Variants in FAM107A observed in about 807,000 individuals in gnomAD.
FAM107A encodes the protein family with sequence similarity 107 member A, also known as actin-associated protein FAM107A.
Under a neutral mutation model 13.7 loss-of-function variants are expected in FAM107A, and 19 were observed. That is an observed-to-expected ratio of 1.38 (90% CI 0.97 to 2.03). The LOEUF is 2.03. Ranked by LOEUF, FAM107A falls within the 30% of genes most tolerant of loss-of-function variation. The probability of loss-of-function intolerance (pLI) is 0.00; values close to 1 mark genes in which losing one functional copy is unlikely to be tolerated. For missense variants in FAM107A, 203 were observed against 184.4 expected, an observed-to-expected ratio of 1.10 and a Z score of -0.58; for synonymous variants, 82 against 74.5, an observed-to-expected ratio of 1.10 and a Z score of -0.52.
upstream of FAM107A, among the ~76,000 whole-genome samples, chr3:58,578,216 G>A (rs145686421): frequency 6.6e-6 from 1 of 152,332 alleles, no homozygotes; most frequent in Non-Finnish European, 1.5e-5. Context: ...GGTGCATTTT[G>A]CCTGGCAGAA....
intron 1 of FAM107A, among the ~76,000 whole-genome samples, chr3:58,611,497 T>C (rs4681697): frequency 0.93 from 141,477 of 152,324 alleles, 65,847 homozygotes; most frequent in Non-Finnish European, 0.96. Flanking sequence ...CCGCATCATC[T>C]GTTTATGGGC....
chr3:58,598,805 T>A (rs1250737145), intron 1 of FAM107A, among the ~76,000 whole-genome samples: 1 of 152,178 alleles, frequency 6.6e-6, no homozygotes, highest in Non-Finnish European at 1.5e-5. Context: ...GTCTTGGAGA[T>A]ATTTCTATGT....
chr3:58,585,727 A>G (rs753812373), intron 1 of FAM107A, among the ~76,000 whole-genome samples: 1 of 152,210 alleles, frequency 6.6e-6, no homozygotes, highest in Non-Finnish European at 1.5e-5. Flanking sequence ...CCAGCACGAG[A>G]TAGCGTTTCA....
rs568222032 is a variant in FAM107A, at chr3:58,611,395, T to A, written c.-70+16021A>T. 1.2e-4 allele frequency among the ~76,000 whole-genome samples: 19 copies of A among 152,312 alleles called. 1 individual carries two copies. In the South Asian group the frequency reaches 3.9e-3, roughly 32 times the overall value. ...GTGTCATTATGAACAGGTGGGGGTG[T>A]CACTGGTGTGGCTTCAGCAGGATCA... On this transcript the variant is annotated intron_variant, in intron 1 of 3. Coordinates refer to the FAM107A transcript ENST00000465970.
chr3:58,617,736 T>C lies in FAM107A; in HGVS notation c.-70+9680A>G, dbSNP rs1233799042. 1.3e-5 allele frequency among the ~76,000 whole-genome samples: 2 copies of C among 152,184 alleles called. No homozygotes were observed. Among genetic ancestry groups the C allele is most frequent in the African/African-American group, 2.4e-5 (1 of 41,450 alleles). On this transcript the variant is annotated intron_variant, in intron 1 of 3. Coordinates refer to the FAM107A transcript ENST00000465970. This position sits in a 1 kb window ranked among gnomAD's most constrained non-coding sequence, Gnocchi z 4.5. ...ATAGAAATTAAATTCTCCTGAACTT[T>C]AGGCCCCTCTTCAGTGCTACTCCCA...
intron 1 of FAM107A, among the ~76,000 whole-genome samples, chr3:58,619,989 C>A (rs370681759): frequency 5.3e-5 from 8 of 152,236 alleles, no homozygotes; most frequent in South Asian, 2.1e-4. Context: ...GTCCCTTCCC[C>A]CCAGCCTGAA....
At chr3:58,588,458 C>T (rs1304453879), upstream of FAM107A, among the ~76,000 whole-genome samples, 2 of 152,222 alleles carry the variant, frequency 1.3e-5, no homozygotes, top group African/African-American at 4.8e-5. Flanking sequence ...ATCCAGTGTC[C>T]TGAAAGCCCA....
intron 1 of FAM107A, among the ~76,000 whole-genome samples, chr3:58,600,439 C>T (rs1423311047): frequency 6.6e-6 from 1 of 152,210 alleles, no homozygotes; most frequent in Non-Finnish European, 1.5e-5. Flanking sequence ...ACCCCTGCAA[C>T]AGCCCAGTGT....
At chr3:58,624,071 T>C (rs931685719) in intron 1 of FAM107A, among the ~76,000 whole-genome samples, 1 of 152,150 alleles carries the variant, frequency 6.6e-6, no homozygotes, top group African/African-American at 2.4e-5. Context: ...CTGAGGCCCA[T>C]GGAAGGTGCT....
chr3:58,567,762 C>T (rs2063637479), intron 2 of FAM107A, among the ~76,000 whole-genome samples: 2 of 152,284 alleles, frequency 1.3e-5, no homozygotes, highest in South Asian at 2.1e-4. Flanking sequence ...CTCCTCTGAA[C>T]AGTGTACAAG....
upstream of FAM107A, among the ~76,000 whole-genome samples, chr3:58,579,775 C>A (rs940887156): frequency 2.0e-5 from 3 of 152,152 alleles, no homozygotes; most frequent in African/African-American, 4.8e-5. Context: ...GAACACGCAC[C>A]TGACAGCCAA....
At position 58,566,459 on chromosome 3, in the gene FAM107A, A is replaced by G; in HGVS notation, c.*129T>C. The G allele has an allele frequency of 1.4e-6, 1 of 704,900 alleles. No individual in the cohort carries two copies. Among genetic ancestry groups the G allele is most frequent in the Non-Finnish European group, 2.4e-6 (1 of 416,438 alleles). 43.7% of individuals were successfully genotyped at this position (704,900 alleles called of 1,614,324 possible). ...AGAGCCAGGCCCTCTGGGGTGACAC[A>G]TTTCTACAGAAGCAGGTGGGAACAT... is the stretch of plus-strand genomic sequence containing the variant. On this transcript the variant is annotated 3_prime_UTR_variant, in exon 4 of 4. Transcript: ENST00000360997.
chr3:58,594,873 A>T (rs1307609100), intron 1 of FAM107A, among the ~76,000 whole-genome samples: 3 of 152,210 alleles, frequency 2.0e-5, no homozygotes, highest in Non-Finnish European at 4.4e-5. Context: ...AACCAAACAG[A>T]TAATTACACT....
Position 58,566,557 on chromosome 3 carries a change from G to A in FAM107A, c.*31C>T, listed in dbSNP as rs1196607231. The stretch of plus-strand genomic sequence containing the variant: ...GCTGAAGGAGGCTGTCCAGGCCAGG[G>A]TGGGCAGTGGCCTGAGCCCGGCAGC... On this transcript the variant is annotated 3_prime_UTR_variant, in exon 4 of 4. Coordinates refer to ENST00000360997, the MANE Select transcript of FAM107A (RefSeq NM_001076778.3). 1.3e-6 allele frequency: 2 copies of A among 1,527,084 alleles called. No individual in the cohort carries two copies. The highest frequency in any genetic ancestry group is 2.0e-4 in the Middle Eastern group (1 of 5,012). 94.6% of individuals were successfully genotyped at this position (1,527,084 alleles called of 1,614,324 possible).
intron 1 of FAM107A, among the ~76,000 whole-genome samples, chr3:58,602,511 G>A (rs1038863836): frequency 2.0e-5 from 3 of 152,156 alleles, no homozygotes; most frequent in African/African-American, 7.2e-5. Context: ...GAATGTGCAT[G>A]AACAAGCATT....
At position 58,594,597 on chromosome 3, in the gene FAM107A, G is replaced by A. The variant is rs923657986; in HGVS notation, c.-69-5328C>T. ...TGTGTCTACCTTGTTAATTGGACAG[G>A]CACATGTACACTAGTTTTCCTTACC... On this transcript the variant is annotated intron_variant, in intron 1 of 3. Transcript: ENST00000465970. Among the ~76,000 whole-genome samples, 3 of 152,156 alleles carry A rather than the reference G, an allele frequency of 2.0e-5. 1 individual carries two copies. Among genetic ancestry groups the A allele is most frequent in the South Asian group, 4.1e-4 (2 of 4,832 alleles).
chr3:58,623,338 A>C (rs1466121076), intron 1 of FAM107A, among the ~76,000 whole-genome samples: 1 of 152,164 alleles, frequency 6.6e-6, no homozygotes, highest in East Asian at 1.9e-4. Flanking sequence ...GCCACAAAAA[A>C]CCTGGGTGGT....
chr3:58,567,235 C>T lies in FAM107A; in HGVS notation c.300G>A (p.Leu100=), dbSNP rs749842492. 43 of 1,614,096 alleles carry T rather than the reference C, an allele frequency of 2.7e-5. No individual in the cohort carries two copies. Among genetic ancestry groups the T allele is most frequent in the South Asian group, 2.2e-4 (20 of 91,094 alleles). ...GGTTCAGCCTCTGCTGCCGTCTCAGCAGCTCCTGCTCAAAGGGGCACTGCA... is the reference window on the plus strand; with the variant it reads ...GGTTCAGCCTCTGCTGCCGTCTCAGTAGCTCCTGCTCAAAGGGGCACTGCA... ...KRLQCPFEQE[L]LRRQQRLNQL... The change falls in exon 3 of 4, where the codon CTG becomes CTA. Residue 100 remains leucine, a synonymous_variant. Coordinates refer to ENST00000360997, the MANE Select transcript of FAM107A (RefSeq NM_001076778.3).
chr3:58,568,471 A>G (rs576397822), intron 2 of FAM107A, among the ~76,000 whole-genome samples: 1 of 152,136 alleles, frequency 6.6e-6, no homozygotes, highest in South Asian at 2.1e-4. Context: ...AAAACAAGAG[A>G]TCTGAATTTT....
Sources: gnomAD v4.1 joint callset for allele counts (sites outside exome capture counted in the v4.1 genomes callset) on GRCh38, gnomAD v4.1.1 for gene constraint, Gnocchi (gnomAD v3.1) non-coding constraint, MANE v1.5 for transcripts, NCBI Gene and HGNC (gene_info 2026-07-23, HGNC 2026-07-21) for gene names.